LRRC49: variants seen among roughly 807,000 people sequenced by gnomAD.
LRRC49 encodes the protein leucine-rich repeat-containing protein 49.
In LRRC49, 50 loss-of-function variants were observed where a neutral mutation model predicts 83.3. The ratio of observed to expected loss-of-function variants is 0.60; its 90% CI spans 0.48 to 0.76. The LOEUF is 0.76. Ranked by LOEUF, LRRC49 falls within the 30% of genes least tolerant of loss-of-function variation. LRRC49 has a pLI of 0.00. For synonymous variants in LRRC49, 286 were observed against 283.3 expected (o/e 1.01, Z -0.10); for missense variants, 704 against 809.1 (o/e 0.87, Z 1.58).
In LRRC49 at chr15:71,049,627, T is replaced by A. The variant is rs754253795; in HGVS notation, c.*15T>A. ...ACCAAAAATAAAAATGGCCTTTAGTTACAGTTGATTTTGGCAGTTTTATTT... is the reference window on the plus strand; with the variant it reads ...ACCAAAAATAAAAATGGCCTTTAGTAACAGTTGATTTTGGCAGTTTTATTT... On this transcript the variant is annotated 3_prime_UTR_variant, in exon 16 of 16. Coordinates refer to ENST00000260382, the MANE Select transcript of LRRC49 (RefSeq NM_017691.5). 1 of 1,576,036 alleles carries A rather than the reference T, an allele frequency of 6.3e-7. No individual in the cohort carries two copies. Among genetic ancestry groups the A allele is most frequent in the Non-Finnish European group, 8.6e-7 (1 of 1,156,146 alleles).
chr15:70,942,928 TATAA>T lies in LRRC49; in HGVS notation c.773+6110_773+6113del, dbSNP rs2035874602. Among the ~76,000 whole-genome samples, 4 of 152,234 alleles carry T rather than the reference TATAA, an allele frequency of 2.6e-5. No individual in the cohort carries two copies. The South Asian group carries it at 8.3e-4, about 31-fold the overall frequency. ...TGATTGTATAGATTTTAAAAATCTA[TATAA>T]ATAGCTGTTTTAAAGTTCTTATCTA... is the stretch of plus-strand genomic sequence containing the variant. On this transcript the variant is annotated intron_variant, in intron 8 of 15. Transcript: ENST00000260382.
chr15:71,001,981 G>A (rs2038274750), intron 11 of LRRC49, among the ~76,000 whole-genome samples: 2 of 152,128 alleles, frequency 1.3e-5, no homozygotes, highest in South Asian at 2.1e-4. Flanking sequence ...GTGAGCCACC[G>A]TGCCCGGCTG....
chr15:70,986,323 G>T (rs1332026080), intron 11 of LRRC49, among the ~76,000 whole-genome samples: 2 of 151,970 alleles, frequency 1.3e-5, no homozygotes, highest in Non-Finnish European at 2.9e-5. Context: ...GCAGTGGTTT[G>T]TAGTTCTCCT....
At position 70,919,190 on chromosome 15, in the gene LRRC49, C is replaced by T. The variant is rs12904543; in HGVS notation, c.708C>T (p.Phe236=). ...ELNLRHNQIT[F]VRDVDNLPCL... ...ACTTGCGACACAATCAAATCACTTTCGTGGTGAGTATTAAAATGGAGTTGA... is the reference window on the plus strand; with the variant it reads ...ACTTGCGACACAATCAAATCACTTTTGTGGTGAGTATTAAAATGGAGTTGA... Residue 236 remains phenylalanine (F), a synonymous_variant, in exon 7 of 16, where the codon TTC becomes TTT. Transcript: ENST00000260382. 17 of 1,608,750 alleles carry T rather than the reference C, an allele frequency of 1.1e-5. No individual in the cohort carries two copies. Among genetic ancestry groups the T allele is most frequent in the Admixed American group, 3.4e-5 (2 of 59,112 alleles).
intron 6 of LRRC49, among the ~76,000 whole-genome samples, chr15:70,912,716 G>A (rs543951897): frequency 3.9e-4 from 59 of 151,184 alleles, no homozygotes; most frequent in Non-Finnish European, 7.4e-4. Flanking sequence ...TTGCTCTGTC[G>A]CCCAGGCTGG....
intron 15 of LRRC49, among the ~76,000 whole-genome samples, chr15:71,041,412 A>G (rs192338870): frequency 6.6e-6 from 1 of 152,324 alleles, no homozygotes; most frequent in East Asian, 1.9e-4. Context: ...TTAATTTAGA[A>G]ATCATAAAAA....
At chr15:70,892,126 G>A (rs770564774), upstream of LRRC49, 1 of 1,613,866 alleles carries the variant, frequency 6.2e-7, no homozygotes, top group Non-Finnish European at 8.5e-7. Context: ...TGACCGAGCG[G>A]TCATTGCCTC....
At chr15:71,014,223 T>C (rs977535920) in intron 14 of LRRC49, among the ~76,000 whole-genome samples, 8 of 152,202 alleles carry the variant, frequency 5.3e-5, no homozygotes, top group Non-Finnish European at 1.2e-4. Context: ...TAATGTATAA[T>C]GTTAAAAAGA....
chr15:70,871,574 C>T lies in LRRC49; in HGVS notation c.-298-1334C>T, dbSNP rs1029254718. Among the ~76,000 whole-genome samples, 6 of 148,630 alleles carry T rather than the reference C, an allele frequency of 4.0e-5. No homozygotes were observed. In the South Asian group the frequency reaches 6.5e-4, roughly 16 times the overall value. On this transcript the variant is annotated intron_variant, in intron 1 of 16. Transcript: ENST00000544974. ...CTCCCGAACGGCGCGGCTGGCCGGGCGGGGGCTGCCCCCCACCTCCTGGAC... is the reference window on the plus strand; with the variant it reads ...CTCCCGAACGGCGCGGCTGGCCGGGTGGGGGCTGCCCCCCACCTCCTGGAC...
intron 2 of LRRC49, among the ~76,000 whole-genome samples, chr15:70,886,595 C>T (rs897724547): frequency 2.0e-5 from 3 of 152,116 alleles, no homozygotes; most frequent in Non-Finnish European, 4.4e-5. Context: ...CGGTGGGGTG[C>T]GGTGGCTCAC....
At chr15:70,981,230 A>G (rs2037384727) in intron 10 of LRRC49, among the ~76,000 whole-genome samples, 1 of 152,008 alleles carries the variant, frequency 6.6e-6, no homozygotes, top group Non-Finnish European at 1.5e-5. Flanking sequence ...CATTCTCAGC[A>G]AACTAACACA....
At chr15:70,914,746 C>T (rs2034693212) in intron 6 of LRRC49, among the ~76,000 whole-genome samples, 1 of 152,198 alleles carries the variant, frequency 6.6e-6, no homozygotes, top group Non-Finnish European at 1.5e-5. Context: ...AACATAGACA[C>T]AGATGTGCTT....
At chr15:70,939,847 G>GT (rs1327080543) in intron 8 of LRRC49, among the ~76,000 whole-genome samples, 6,696 of 115,198 alleles carry the variant, frequency 0.058, 217 homozygotes, top group Non-Finnish European at 0.066. Context: ...TTTAAACTAG[G>GT]TTTTTTTTTT....
At chr15:70,915,125 T>C (rs2034712919) in intron 6 of LRRC49, among the ~76,000 whole-genome samples, 1 of 152,246 alleles carries the variant, frequency 6.6e-6, no homozygotes, top group African/African-American at 2.4e-5. Context: ...TGCTTTATGC[T>C]TGTGACTTTG....
chr15:70,872,623 G>C (rs2033073365), intron 1 of LRRC49, among the ~76,000 whole-genome samples: 1 of 152,060 alleles, frequency 6.6e-6, no homozygotes. Flanking sequence ...TACGCTTTAG[G>C]GTTTCCAAAA....
At chr15:70,923,090 A>G (rs2035066868) in intron 7 of LRRC49, among the ~76,000 whole-genome samples, 1 of 152,018 alleles carries the variant, frequency 6.6e-6, no homozygotes, top group South Asian at 2.1e-4. Flanking sequence ...TATTTTTCTT[A>G]TTATTTAGTT....
chr15:70,963,063 G>A (rs904761608), intron 8 of LRRC49, among the ~76,000 whole-genome samples: 1 of 151,748 alleles, frequency 6.6e-6, no homozygotes, highest in Non-Finnish European at 1.5e-5. Flanking sequence ...ACAGGAGTTC[G>A]AGACCAGCTT....
chr15:70,853,797 C>T, intron 1 of LRRC49: 3 of 971,718 alleles, frequency 3.1e-6, no homozygotes, highest in Non-Finnish European at 4.0e-6. Flanking sequence ...CCCCTCTGCC[C>T]GAGGAGTTGT....
intron 14 of LRRC49, among the ~76,000 whole-genome samples, chr15:71,024,516 T>C (rs562593857): frequency 2.0e-5 from 3 of 152,052 alleles, no homozygotes; most frequent in African/African-American, 7.2e-5. Flanking sequence ...ACAGTAGCCC[T>C]ACAGAAGAGG....
Sources: gnomAD v4.1 joint callset for allele counts (sites outside exome capture counted in the v4.1 genomes callset) on GRCh38, gnomAD v4.1.1 for gene constraint, MANE v1.5 for transcripts, NCBI Gene and HGNC (gene_info 2026-07-23, HGNC 2026-07-21) for gene names.